ZNF804B: variants seen among roughly 807,000 people sequenced by gnomAD.
ZNF804B encodes zinc finger protein 804B.
Under a neutral mutation model 101.4 loss-of-function variants are expected in ZNF804B, and 80 were observed. The ratio of observed to expected loss-of-function variants is 0.79; its 90% CI spans 0.66 to 0.95. The LOEUF is 0.95. Ranked by LOEUF, ZNF804B falls within the 40% of genes least tolerant of loss-of-function variation. ZNF804B has a pLI of 0.00. For synonymous variants in ZNF804B, 622 were observed against 558.8 expected, an observed-to-expected ratio of 1.11 and a Z score of -1.59; for missense variants, 1,673 against 1,561.9, an observed-to-expected ratio of 1.07 and a Z score of -1.20.
chr7:88,767,135 C>T (rs1395861143), intron 1 of ZNF804B, among the ~76,000 whole-genome samples: 1 of 152,164 alleles, frequency 6.6e-6, no homozygotes, highest in Non-Finnish European at 1.5e-5. Context: ...TTGGCATATA[C>T]TTCTAACTCC....
intron 1 of ZNF804B, among the ~76,000 whole-genome samples, chr7:88,836,730 G>A (rs1290630299): frequency 1.3e-5 from 2 of 151,686 alleles, no homozygotes; most frequent in African/African-American, 4.8e-5. Flanking sequence ...CTCTCTCTAT[G>A]CAATTCGCTC....
At chr7:89,193,272 C>G (rs566612532) in intron 1 of ZNF804B, among the ~76,000 whole-genome samples, 1 of 92,554 alleles carries the variant, frequency 1.1e-5, no homozygotes, top group African/African-American at 4.4e-5. Flanking sequence ...CCAAAAGCTT[C>G]GTTTTTTTTT....
chr7:89,109,430 T>C (rs1256541820), intron 1 of ZNF804B, among the ~76,000 whole-genome samples: 2 of 152,198 alleles, frequency 1.3e-5, no homozygotes, highest in African/African-American at 4.8e-5. Flanking sequence ...TGGCTTTCTC[T>C]GCCAAGGTTT....
intron 1 of ZNF804B, among the ~76,000 whole-genome samples, chr7:89,123,975 A>G (rs973850330): frequency 6.6e-6 from 1 of 152,174 alleles, no homozygotes; most frequent in Non-Finnish European, 1.5e-5. Flanking sequence ...AACAAAGTGC[A>G]AACTCCTCCC....
intron 1 of ZNF804B, among the ~76,000 whole-genome samples, chr7:88,851,846 A>C (rs539612115): frequency 6.6e-6 from 1 of 152,294 alleles, no homozygotes; most frequent in South Asian, 2.1e-4. Flanking sequence ...ACAGTGATGC[A>C]AAATTTGGTA....
chr7:88,904,159 C>T (rs1008402768), intron 1 of ZNF804B, among the ~76,000 whole-genome samples: 11 of 152,138 alleles, frequency 7.2e-5, no homozygotes, highest in African/African-American at 2.7e-4. Context: ...CAGTTTCATT[C>T]TTCTGCATTT....
At chr7:89,046,394 G>A (rs553980015) in intron 1 of ZNF804B, among the ~76,000 whole-genome samples, 1 of 152,264 alleles carries the variant, frequency 6.6e-6, no homozygotes, top group South Asian at 2.1e-4. Context: ...GGGACCATTT[G>A]TGTCTTTTGA....
At chr7:89,282,947 G>A (rs754653402) in intron 2 of ZNF804B, among the ~76,000 whole-genome samples, 4 of 152,090 alleles carry the variant, frequency 2.6e-5, no homozygotes, top group Non-Finnish European at 5.9e-5. Context: ...AACTTTGAAA[G>A]AATAAATTTC....
chr7:88,883,389 A>G (rs187196128), intron 1 of ZNF804B, among the ~76,000 whole-genome samples: 1 of 152,064 alleles, frequency 6.6e-6, no homozygotes, highest in Non-Finnish European at 1.5e-5. Context: ...ACTAGACTAG[A>G]TTTACCAGAC....
intron 1 of ZNF804B, among the ~76,000 whole-genome samples, chr7:89,176,729 A>G (rs1341585375): frequency 6.6e-6 from 1 of 151,036 alleles, no homozygotes; most frequent in African/African-American, 2.4e-5. Flanking sequence ...TAGTTCTTTA[A>G]AAGTTTGGTG....
rs66471769 is a variant in ZNF804B, at chr7:88,814,447, AACACACACACACACACACACAC to A, written c.108+54387_108+54408del. On this transcript the variant is annotated intron_variant, in intron 1 of 3. Transcript: ENST00000333190. The stretch of plus-strand genomic sequence containing the variant: ...AATCACTGTCTCTTACCTCCCTTCA[AACACACACACACACACACACAC>A]ACACACACACACACACACACACAGA... Among the ~76,000 whole-genome samples, 290 of 141,392 alleles carry A rather than the reference AACACACACACACACACACACAC, an allele frequency of 2.1e-3. 7 individuals are homozygous for A. In the East Asian group the frequency reaches 0.049, roughly 24 times the overall value. The allele number at this position is 141,392 out of a possible 152,430, so 92.8% of individuals were successfully genotyped here.
chr7:89,127,312 G>A (rs1266911382), intron 1 of ZNF804B, among the ~76,000 whole-genome samples: 3 of 151,788 alleles, frequency 2.0e-5, no homozygotes, highest in African/African-American at 7.3e-5. Flanking sequence ...TTTTTGGTCT[G>A]TTTTTCAACT....
intron 1 of ZNF804B, among the ~76,000 whole-genome samples, chr7:89,077,254 G>C (rs962615782): frequency 6.6e-5 from 10 of 152,152 alleles, no homozygotes; most frequent in Non-Finnish European, 5.9e-5. Flanking sequence ...TAAAAGCCTA[G>C]AGGTAAGGAA....
intron 2 of ZNF804B, among the ~76,000 whole-genome samples, chr7:89,261,324 T>A (rs958213057): frequency 4.6e-5 from 7 of 152,214 alleles, no homozygotes; most frequent in Non-Finnish European, 1.0e-4. Flanking sequence ...AGTATATACA[T>A]GTATTTTGTG....
At chr7:88,973,666 C>A (rs1164029141) in intron 1 of ZNF804B, among the ~76,000 whole-genome samples, 2 of 151,080 alleles carry the variant, frequency 1.3e-5, no homozygotes, top group Non-Finnish European at 3.0e-5. Context: ...CTACAGTGAC[C>A]TATGCTTTTG....
intron 1 of ZNF804B, among the ~76,000 whole-genome samples, chr7:89,149,742 T>G (rs1790843225): frequency 6.6e-6 from 1 of 151,806 alleles, no homozygotes; most frequent in Non-Finnish European, 1.5e-5. Flanking sequence ...CCTGACCCAA[T>G]GAAGCAAATG....
chr7:88,903,963 C>G (rs1792429978), intron 1 of ZNF804B, among the ~76,000 whole-genome samples: 1 of 152,102 alleles, frequency 6.6e-6, no homozygotes, highest in South Asian at 2.1e-4. Flanking sequence ...TTAACTAGGT[C>G]CCACTTGTCA....
At chr7:89,250,117 G>A (rs1000292151) in intron 2 of ZNF804B, among the ~76,000 whole-genome samples, 1 of 152,070 alleles carries the variant, frequency 6.6e-6, no homozygotes, top group East Asian at 1.9e-4. Context: ...AACCCAGGAG[G>A]CAGAGGTTGC....
At chr7:89,275,271 A>G (rs1410429922) in intron 2 of ZNF804B, among the ~76,000 whole-genome samples, 3 of 151,972 alleles carry the variant, frequency 2.0e-5, no homozygotes, top group Non-Finnish European at 4.4e-5. Context: ...AAAATTTAGC[A>G]ATTTCCAATC....
Sources: allele counts gnomAD v4.1 joint callset (sites outside exome capture counted in the v4.1 genomes callset), GRCh38; gene constraint gnomAD v4.1.1; transcripts MANE v1.5; gene names NCBI Gene and HGNC (gene_info 2026-07-23, HGNC 2026-07-21).